THSD7A: variants seen among roughly 807,000 people sequenced by gnomAD.
THSD7A encodes thrombospondin type-1 domain-containing protein 7A.
THSD7A carries 96 observed loss-of-function variants against 231.3 expected under a neutral mutation model. That is an observed-to-expected ratio of 0.41 (90% CI 0.35 to 0.49). The LOEUF is 0.49. Among genes scored for constraint, THSD7A ranks in the 20% least tolerant of loss-of-function variants. THSD7A has a pLI of 0.05. For missense variants in THSD7A, 2,290 were observed against 2,070.2 expected, an observed-to-expected ratio of 1.11 and a Z score of -2.06; for synonymous variants, 940 against 743.3, an observed-to-expected ratio of 1.26 and a Z score of -4.30.
chr7:11,511,514 C>T (rs1223907062), intron 6 of THSD7A, among the ~76,000 whole-genome samples: 8 of 152,288 alleles, frequency 5.3e-5, no homozygotes, highest in Admixed American at 1.3e-4. Flanking sequence ...GGAGGCATCA[C>T]GCTACCTGAC....
rs904212167 is a variant in THSD7A at position 11,816,750 on chromosome 7, T to C, written c.190+15007A>G. Among the ~76,000 whole-genome samples the C allele has an allele frequency of 2.6e-5, 4 of 152,066 alleles. No individual in the cohort carries two copies. In the South Asian group the frequency reaches 8.3e-4, roughly 31 times the overall value. On this transcript the variant is annotated intron_variant, in intron 1 of 27. Transcript: ENST00000423059. ...ATATTTTAGTGAAAAAAGTGTATAA[T>C]TGCACACATTTTTAAAAGTCACTAC...
intron 11 of THSD7A, among the ~76,000 whole-genome samples, chr7:11,459,272 A>C (rs1429490750): frequency 2.0e-5 from 3 of 152,114 alleles, no homozygotes; most frequent in Admixed American, 2.0e-4. Context: ...TTAGTAAAAG[A>C]ATGGAGACTA....
At position 11,424,210 on chromosome 7, in the gene THSD7A, T is replaced by A. The variant is rs536609365; in HGVS notation, c.3383+486A>T. Among the ~76,000 whole-genome samples the A allele has an allele frequency of 2.6e-5, 4 of 152,034 alleles. No homozygotes were observed. The South Asian group carries it at 8.3e-4, about 32-fold the overall frequency. ...TTAATTTTTTTTAATTTAAATTGAG[T>A]TAGTGTGGCTAGTGGCTATCCTATG... On this transcript the variant is annotated intron_variant, in intron 16 of 27. Transcript: ENST00000423059.
chr7:11,747,233 G>C (rs1782338992), intron 1 of THSD7A, among the ~76,000 whole-genome samples: 2 of 151,882 alleles, frequency 1.3e-5, no homozygotes, highest in Non-Finnish European at 2.9e-5. Flanking sequence ...TGTATCTTTA[G>C]CATTTCTTAC....
At chr7:11,449,424 C>A (rs1450651187) in intron 11 of THSD7A, among the ~76,000 whole-genome samples, 2 of 151,874 alleles carry the variant, frequency 1.3e-5, no homozygotes, top group Non-Finnish European at 2.9e-5. Context: ...AGTTTGAGAC[C>A]CACCAGCTTG....
At chr7:11,804,174 T>A (rs1323111655) in intron 1 of THSD7A, among the ~76,000 whole-genome samples, 1 of 152,158 alleles carries the variant, frequency 6.6e-6, no homozygotes, top group African/African-American at 2.4e-5. Context: ...TAGAATTTTT[T>A]GTCATTATCA....
chr7:11,665,713 C>T (rs1480728076), intron 1 of THSD7A, among the ~76,000 whole-genome samples: 3 of 152,098 alleles, frequency 2.0e-5, no homozygotes, highest in Non-Finnish European at 4.4e-5. Flanking sequence ...GAGTCTGGCT[C>T]AGTCACCTTT....
At chr7:11,675,231 C>T (rs138690134) in intron 1 of THSD7A, among the ~76,000 whole-genome samples, 8 of 152,188 alleles carry the variant, frequency 5.3e-5, no homozygotes, top group African/African-American at 1.9e-4. Flanking sequence ...CAGTGCTATT[C>T]GGCACAGATA....
chr7:11,471,795 C>T (rs1785950003), intron 8 of THSD7A, among the ~76,000 whole-genome samples: 3 of 151,954 alleles, frequency 2.0e-5, no homozygotes, highest in Admixed American at 2.0e-4. Flanking sequence ...GCATTCTTAA[C>T]CAGGAAACAT....
intron 4 of THSD7A, among the ~76,000 whole-genome samples, chr7:11,563,825 T>A (rs958019575): frequency 6.6e-6 from 1 of 152,196 alleles, no homozygotes; most frequent in East Asian, 1.9e-4. Flanking sequence ...ATAGCCATTA[T>A]TTTCATCCCT....
Position 11,541,475 on chromosome 7 carries a change from C to A in THSD7A, c.1766G>T (p.Gly589Val). The A allele has an allele frequency of 6.2e-7, 1 of 1,613,980 alleles. No individual in the cohort carries two copies. The highest frequency in any genetic ancestry group is 8.5e-7 in the Non-Finnish European group (1 of 1,179,884). Reference protein sequence around the residue: ...VRLGNCEPDNGKECGPGTQVQ... With the variant: ...VRLGNCEPDNVKECGPGTQVQ... ...TTGCGTGCCTGGACCACACTCCTTT[C>A]CGTTATCTGGCTCGCAGTTTCCCAG... The change falls in exon 6 of 28, where the codon GGA (glycine) becomes GTA (valine). Residue 589 changes from glycine (G) to valine (V), a missense_variant. By Grantham distance (109) the Gly-to-Val change is moderately radical. Transcript: ENST00000423059.
chr7:11,672,722 G>T (rs1356211569), intron 1 of THSD7A, among the ~76,000 whole-genome samples: 2 of 152,138 alleles, frequency 1.3e-5, no homozygotes, highest in East Asian at 3.9e-4. Flanking sequence ...ATACCTCACG[G>T]TGCTTTATGG....
chr7:11,720,469 G>C (rs1781310845), intron 1 of THSD7A, among the ~76,000 whole-genome samples: 1 of 151,492 alleles, frequency 6.6e-6, no homozygotes, highest in African/African-American at 2.4e-5. Flanking sequence ...CTTTCTACTG[G>C]CTCCTTTCCA....
chr7:11,568,633 AAAAAAAAAAAAAAAAAAAAAACC>A (rs1790474332), intron 4 of THSD7A, among the ~76,000 whole-genome samples: 1 of 134,004 alleles, frequency 7.5e-6, no homozygotes, highest in Non-Finnish European at 1.5e-5. Context: ...TCAAAAAAAA[AAAAAAAAAAAAAAAAAAAAAACC>A]AAAATCTGGA....
At chr7:11,718,353 G>C (rs1781216653) in intron 1 of THSD7A, among the ~76,000 whole-genome samples, 1 of 151,546 alleles carries the variant, frequency 6.6e-6, no homozygotes, top group African/African-American at 2.4e-5. Flanking sequence ...CATAAAGTTT[G>C]ATCTATGGTT....
chr7:11,791,506 A>T (rs1298508825), intron 1 of THSD7A, among the ~76,000 whole-genome samples: 6 of 152,000 alleles, frequency 3.9e-5, no homozygotes, highest in African/African-American at 1.2e-4. Flanking sequence ...TTAGTTGATC[A>T]TCATATTTGA....
chr7:11,741,785 C>T (rs1358690485), intron 1 of THSD7A, among the ~76,000 whole-genome samples: 1 of 151,708 alleles, frequency 6.6e-6, no homozygotes, highest in African/African-American at 2.4e-5. Context: ...CCATATTATC[C>T]ACAAACTATT....
At chr7:11,687,079 G>T (rs1213659997) in intron 1 of THSD7A, among the ~76,000 whole-genome samples, 2 of 151,686 alleles carry the variant, frequency 1.3e-5, no homozygotes, top group Non-Finnish European at 2.9e-5. Flanking sequence ...CATTAATTTT[G>T]ATTTCTAAAA....
chr7:11,592,079 A>C (rs1780188422), intron 3 of THSD7A, among the ~76,000 whole-genome samples: 1 of 152,220 alleles, frequency 6.6e-6, no homozygotes, highest in African/African-American at 2.4e-5. Flanking sequence ...TAGGAGAGAA[A>C]ATACAGGAAA....
Sources: gnomAD v4.1 joint callset for allele counts (sites outside exome capture counted in the v4.1 genomes callset) on GRCh38, gnomAD v4.1.1 for gene constraint, MANE v1.5 for transcripts, NCBI Gene and HGNC (gene_info 2026-07-23, HGNC 2026-07-21) for gene names.